USP32: variants seen among roughly 807,000 people sequenced by gnomAD.
USP32 encodes the protein ubiquitin carboxyl-terminal hydrolase 32.
USP32 carries 59 observed loss-of-function variants against 204.8 expected under a neutral mutation model. The observed-to-expected ratio is 0.29, with a 90% confidence interval of 0.23 to 0.36. The LOEUF (loss-of-function observed/expected upper bound fraction) is 0.36, where lower values mean the gene tolerates loss of function less well. Ranked by LOEUF, USP32 falls within the 10% of genes least tolerant of loss-of-function variation. The pLI is 1.00. For synonymous variants in USP32, 517 were observed against 678.4 expected (o/e 0.76, Z 3.70); for missense variants, 1,160 against 1,946.4 (o/e 0.60, Z 7.60).
At chr17:60,182,919 C>T (rs372906080) in intron 31 of USP32, among the ~76,000 whole-genome samples, 11 of 152,288 alleles carry the variant, frequency 7.2e-5, no homozygotes, top group South Asian at 6.2e-4. Context: ...GTGTGAAGTG[C>T]TTTACTCTCC....
chr17:60,363,898 T>C (rs1026392935), intron 1 of USP32, among the ~76,000 whole-genome samples: 4 of 151,878 alleles, frequency 2.6e-5, no homozygotes, highest in African/African-American at 4.8e-5. Context: ...GAAGGAAGTG[T>C]TGGGGGGGCA....
chr17:60,392,523 T>G (rs1598313963), upstream of USP32: 2 of 336,172 alleles, frequency 5.9e-6, no homozygotes, highest in South Asian at 2.0e-5. Context: ...GTTCGGCGGG[T>G]GGGGTCCGAG....
chr17:60,194,696 A>G (rs1321614744), intron 27 of USP32, among the ~76,000 whole-genome samples: 10 of 152,186 alleles, frequency 6.6e-5, no homozygotes, highest in Non-Finnish European at 1.3e-4. Flanking sequence ...TCCAAATGTC[A>G]TATTCTAGAC....
intron 24 of USP32, 135 bp downstream of exon 24, chr17:60,207,924 T>G: frequency 1.4e-6 from 2 of 1,434,292 alleles, no homozygotes; most frequent in Non-Finnish European, 1.9e-6. Flanking sequence ...TGGCATTTTT[T>G]GTTGTTGTTG....
intron 1 of USP32, among the ~76,000 whole-genome samples, chr17:60,369,705 G>C (rs1002278362): frequency 1.3e-5 from 2 of 152,082 alleles, no homozygotes; most frequent in African/African-American, 4.8e-5. Context: ...GCAAATTAGT[G>C]AAATAGTTGA....
At chr17:60,212,458 C>T (rs2084996194) in intron 18 of USP32, among the ~76,000 whole-genome samples, 1 of 152,098 alleles carries the variant, frequency 6.6e-6, no homozygotes, top group Non-Finnish European at 1.5e-5. Flanking sequence ...AAAGGCACAA[C>T]TAAAAATACA....
At chr17:60,269,674 T>C in intron 6 of USP32, 117 bp from the exon 7 acceptor site, 1 of 722,440 alleles carries the variant, frequency 1.4e-6, no homozygotes, top group East Asian at 3.0e-5. Flanking sequence ...TTTTTTTAAG[T>C]TTATTAGTAG....
At chr17:60,273,949 G>T (rs1050420264) in intron 5 of USP32, among the ~76,000 whole-genome samples, 1 of 121,416 alleles carries the variant, frequency 8.2e-6, no homozygotes, top group Non-Finnish European at 1.6e-5. Flanking sequence ...GCAACAGAGC[G>T]AGACTCAGTC....
In USP32 at chr17:60,364,441, G is replaced by A. The variant is rs139318435; in HGVS notation, c.59-18833C>T. ...ATCACCCAGGCTAGAGTGCGGTGGC[G>A]CGATGTCCACTCACCGCAACCTTTG... is the stretch of plus-strand genomic sequence containing the variant. On this transcript the variant is annotated intron_variant, in intron 1 of 33. Transcript: ENST00000300896. 9.9e-3 allele frequency among the ~76,000 whole-genome samples: 1,501 copies of A among 152,240 alleles called. 16 individuals carry two copies. The highest frequency in any genetic ancestry group is 0.017 in the Non-Finnish European group (1,125 of 68,006).
At chr17:60,193,726 A>G (rs1287621317) in intron 27 of USP32, among the ~76,000 whole-genome samples, 2 of 152,192 alleles carry the variant, frequency 1.3e-5, no homozygotes, top group African/African-American at 2.4e-5. Context: ...TGGTTATTAC[A>G]TGGGCTATTG....
At chr17:60,391,189 G>A (rs912376975) in intron 1 of USP32, among the ~76,000 whole-genome samples, 2 of 152,232 alleles carry the variant, frequency 1.3e-5, no homozygotes, top group Admixed American at 1.3e-4. Flanking sequence ...ATCAAGTGCA[G>A]TCAAAGGCTT....
rs371697800 is a variant in USP32 at position 60,185,483 on chromosome 17, G to T, written c.3811C>A (p.Leu1271Ile). The T allele has an allele frequency of 1.1e-4, 181 of 1,609,542 alleles. No individual in the cohort carries two copies. The highest frequency in any genetic ancestry group is 1.4e-4 in the Non-Finnish European group (170 of 1,177,914). ...ACCAGGATGGGTGGAAGCCTCCAGA[G>T]ATCCAGCTTCTTTGTTGCTAAGCAG... ...THCLATKKLD[L>I]WRLPPILIIH... The change falls in exon 30 of 34, where the codon CTC becomes ATC. Residue 1271 changes from leucine (L) to isoleucine (I), a missense_variant. Leu to Ile is a conservative substitution (Grantham distance 5). Around this residue, in one of 8 missense-constraint regions of USP32, gnomAD observed 160 missense variants for 322.5 expected, o/e 0.50. Coordinates refer to ENST00000300896, the MANE Select transcript of USP32 (RefSeq NM_032582.4).
In USP32 at chr17:60,422,352, C is replaced by A. The variant is rs943929040; in HGVS notation, c.-1G>T. ...AAAGTCTTCGCTCGACCCCGCACAT[C>A]TTGCTCCGTTCCCTAGTCCAGATCC... On this transcript the variant is annotated 5_prime_UTR_variant, in exon 1 of 4. Coordinates refer to the USP32 transcript ENST00000588898. 2.1e-5 allele frequency: 22 copies of A among 1,035,544 alleles called. No individual in the cohort carries two copies. In the African/African-American group the frequency reaches 2.8e-4, roughly 13 times the overall value. 64.1% of individuals were successfully genotyped at this position (1,035,544 alleles called of 1,614,324 possible). A position where few individuals can be genotyped will look rare whatever the true frequency, so the allele number is the denominator to read the frequency against.
At chr17:60,422,319 G>T in exon 1 of USP32, 2 of 644,328 alleles carry the variant, frequency 3.1e-6, no homozygotes, top group South Asian at 1.9e-5. Flanking sequence ...CCTGCTGTGC[G>T]CTCTGCCAAA....
At chr17:60,398,697 G>A (rs981872359) in intron 1 of USP32, among the ~76,000 whole-genome samples, 3 of 151,950 alleles carry the variant, frequency 2.0e-5, no homozygotes, top group Non-Finnish European at 4.4e-5. Flanking sequence ...ACAGTGGCTG[G>A]CTCAGAAATT....
intron 2 of USP32, chr17:60,316,149 T>C (rs533379963): frequency 7.7e-5 from 21 of 274,354 alleles, no homozygotes; most frequent in Admixed American, 3.5e-4. Flanking sequence ...CTGCTATCCA[T>C]GCCAAACATG....
intron 4 of USP32, among the ~76,000 whole-genome samples, chr17:60,290,810 G>A (rs1436271548): frequency 1.3e-5 from 2 of 151,994 alleles, no homozygotes; most frequent in Non-Finnish European, 2.9e-5. Flanking sequence ...AGGGGAGAGG[G>A]CTTAAAGTTG....
chr17:60,231,363 C>A (rs966958648), intron 12 of USP32, among the ~76,000 whole-genome samples: 4 of 152,182 alleles, frequency 2.6e-5, no homozygotes, highest in Admixed American at 2.6e-4. Flanking sequence ...TAAGGCAGGA[C>A]TCAGGACACT....
chr17:60,196,262 C>T (rs988874292), intron 27 of USP32, among the ~76,000 whole-genome samples: 4 of 145,144 alleles, frequency 2.8e-5, no homozygotes, highest in African/African-American at 1.1e-4. Flanking sequence ...AAGATTCTAT[C>T]CCCACGCCAA....
Sources: allele counts gnomAD v4.1 joint callset (sites outside exome capture counted in the v4.1 genomes callset), GRCh38; gene constraint gnomAD v4.1.1; regional missense constraint gnomAD v4.1.1; transcripts MANE v1.5; gene names NCBI Gene and HGNC (gene_info 2026-07-23, HGNC 2026-07-21).